SYTL1: variants seen among roughly 807,000 people sequenced by gnomAD.
SYTL1 encodes the protein synaptotagmin-like protein 1.
In SYTL1, 53 loss-of-function variants were observed where a neutral mutation model predicts 74.6. That is an observed-to-expected ratio of 0.71 (90% CI 0.57 to 0.89). SYTL1 has a LOEUF of 0.89. Ranked by LOEUF, SYTL1 falls within the 40% of genes least tolerant of loss-of-function variation. The pLI is 0.00. For synonymous variants in SYTL1, 329 were observed against 324.9 expected (o/e 1.01, Z -0.14); for missense variants, 728 against 768.7 (o/e 0.95, Z 0.63).
Position 27,342,839 on chromosome 1 carries a change from A to G in SYTL1, c.-39+689A>G, listed in dbSNP as rs2148026423. The stretch of plus-strand genomic sequence containing the variant: ...GGGACGTGGGCTCACACCCCAATCC[A>G]CAGGGGAGGCCGAACGTGGGCTCAC... On this transcript the variant is annotated intron_variant, in intron 1 of 14. Transcript: ENST00000616558. The surrounding 1 kb of genome is among the most constrained non-coding windows in gnomAD (Gnocchi z 4.7). Among the ~76,000 whole-genome samples, 2 of 151,574 alleles carry G rather than the reference A, an allele frequency of 1.3e-5. 1 individual carries two copies. Among genetic ancestry groups the G allele is most frequent in the Middle Eastern group, 6.8e-3 (2 of 292 alleles).
At position 27,353,325 on chromosome 1, in the gene SYTL1, A is replaced by C. The variant is rs758670575; in HGVS notation, c.1386A>C (p.Thr462=). The C allele has an allele frequency of 6.7e-5, 107 of 1,607,962 alleles. No individual in the cohort carries two copies. Among genetic ancestry groups the C allele is most frequent in the Non-Finnish European group, 8.5e-5 (100 of 1,177,598 alleles). Residue 462 remains threonine, a synonymous_variant, in exon 14 of 15, where the codon ACA becomes ACC. Coordinates refer to ENST00000616558, the MANE Select transcript of SYTL1 (RefSeq NM_001193308.2). ...PDDSQASRQR[T]RVVRRSLSPV... is the part of the protein sequence containing the mutation. ...ACAGCCAGGCCAGCCGCCAGCGTAC[A>C]AGGGTTGTGCGACGCAGCCTCAGCC...
chr1:27,349,425 G>C lies in SYTL1; in HGVS notation c.560G>C (p.Cys187Ser). The C allele has an allele frequency of 4.1e-6, 6 of 1,453,292 alleles. No homozygotes were observed. Among genetic ancestry groups the C allele is most frequent in the East Asian group, 2.5e-5 (1 of 39,770 alleles). The allele number at this position is 1,453,292 out of a possible 1,614,324, so 90.0% of individuals were successfully genotyped here. ...EDPGQGDQQV[C>S]AEEADPELEP... is the part of the protein sequence containing the mutation. ...CCTGGCCAAGGAGACCAACAGGTCT[G>C]TGCCGAGGAGGCTGACCCGGAGCTG... The change falls in exon 7 of 15, where the codon TGT becomes TCT. Residue 187 changes from cysteine (C) to serine (S), a missense_variant. Coordinates refer to ENST00000616558, the MANE Select transcript of SYTL1 (RefSeq NM_001193308.2).
Position 27,347,318 on chromosome 1 carries a change from G to A in SYTL1, c.192-103G>A. ...CCACAGCACAGATCAAGTCTGATTT[G>A]CTGTTGGGTCCCTGGCCCCTGGTCC... On this transcript the variant is annotated intron_variant, in intron 2 of 14. Coordinates refer to ENST00000616558, the MANE Select transcript of SYTL1 (RefSeq NM_001193308.2). The surrounding 1 kb of genome is among the most constrained non-coding windows in gnomAD (Gnocchi z 4.9). The A allele has an allele frequency of 6.7e-7, 1 of 1,488,452 alleles. No individual in the cohort carries two copies. The highest frequency in any genetic ancestry group is 1.7e-5 in the Admixed American group (1 of 57,650). 92.2% of individuals were successfully genotyped at this position (1,488,452 alleles called of 1,614,324 possible).
At position 27,350,030 on chromosome 1, in the gene SYTL1, C is replaced by G. The variant is rs2015187527; in HGVS notation, c.806C>G (p.Ser269Cys). ...GCGGAGGCGGTGCAGGTCCGCGGCTCCGTGCACTTCGCGCTGCACTACGAG... is the reference window on the plus strand; with the variant it reads ...GCGGAGGCGGTGCAGGTCCGCGGCTGCGTGCACTTCGCGCTGCACTACGAG... ...GDAEAVQVRG[S>C]VHFALHYEPG... Residue 269 changes from serine to cysteine, a missense_variant, in exon 9 of 15, where the codon TCC becomes TGC. Transcript: ENST00000616558. This position sits in a 1 kb window ranked among gnomAD's most constrained non-coding sequence, Gnocchi z 6.3. 1.3e-5 allele frequency: 20 copies of G among 1,546,176 alleles called. No homozygotes were observed. The highest frequency in any genetic ancestry group is 1.7e-5 in the Non-Finnish European group (20 of 1,155,804).
At position 27,347,930 on chromosome 1, in the gene SYTL1, G is replaced by A; in HGVS notation, c.414-37G>A. On this transcript the variant is annotated intron_variant, in intron 4 of 14. Transcript: ENST00000616558. This position sits in a 1 kb window ranked among gnomAD's most constrained non-coding sequence, Gnocchi z 4.9. ...GAGATGGTGCCCACCAGTCACCAGGGTCCCTCCCTCTGAGAGCGTCCTCTC... is the reference window on the plus strand; with the variant it reads ...GAGATGGTGCCCACCAGTCACCAGGATCCCTCCCTCTGAGAGCGTCCTCTC... 6.2e-7 allele frequency: 1 copy of A among 1,614,052 alleles called. No homozygotes were observed. The highest frequency in any genetic ancestry group is 8.5e-7 in the Non-Finnish European group (1 of 1,179,898).
In SYTL1 at chr1:27,347,531, T is replaced by C. The variant is rs1421711514; in HGVS notation, c.302T>C (p.Leu101Pro). 6.2e-7 allele frequency: 1 copy of C among 1,614,074 alleles called. No individual in the cohort carries two copies. ...CACAATGCCCACTTCGGCTCTGACC[T>C]TGTCCGAGCGTCTATGCGCAGGAAG... Reference protein sequence around the residue: ...RHHNAHFGSDLVRASMRRKKS... With the variant: ...RHHNAHFGSDPVRASMRRKKS... The change falls in exon 3 of 15, where the codon CTT becomes CCT. Residue 101 changes from leucine (L) to proline (P), a missense_variant. Physicochemically the swap from Leu to Pro is moderately conservative, Grantham distance 98. Coordinates refer to ENST00000616558, the MANE Select transcript of SYTL1 (RefSeq NM_001193308.2). This position sits in a 1 kb window ranked among gnomAD's most constrained non-coding sequence, Gnocchi z 4.9.
chr1:27,345,316 TGGGGCACAGCCCCAGCTG>T lies in SYTL1; in HGVS notation c.-18_-1del. The T allele has an allele frequency of 6.8e-7, 1 of 1,463,318 alleles. No individual in the cohort carries two copies. The highest frequency in any genetic ancestry group is 1.4e-5 in the South Asian group (1 of 72,804). 90.6% of individuals were successfully genotyped at this position (1,463,318 alleles called of 1,614,324 possible). A position where few individuals can be genotyped will look rare whatever the true frequency, so the allele number is the denominator to read the frequency against. ...CCCCAGGAAGCTCCGTGTGCCCAGCTGGGGCACAGCCCCAGCTGATGCCCCAGAGGGGCCACCCATCGC... is the reference window on the plus strand; with the variant it reads ...CCCCAGGAAGCTCCGTGTGCCCAGCTATGCCCCAGAGGGGCCACCCATCGC... On this transcript the variant is annotated 5_prime_UTR_variant, in exon 2 of 15. Transcript: ENST00000616558. This position sits in a 1 kb window ranked among gnomAD's most constrained non-coding sequence, Gnocchi z 6.0.
rs545755858 is a variant in SYTL1, at chr1:27,345,890, C to T, written c.191+365C>T. ...CACCCCTCCGGGTTCAAGCGATTCT[C>T]CTGCCACAGCCTCCCAAATAGCTGG... On this transcript the variant is annotated intron_variant, in intron 2 of 14. Coordinates refer to ENST00000616558, the MANE Select transcript of SYTL1 (RefSeq NM_001193308.2). This position sits in a 1 kb window ranked among gnomAD's most constrained non-coding sequence, Gnocchi z 6.0. Among the ~76,000 whole-genome samples the T allele has an allele frequency of 1.9e-4, 29 of 152,252 alleles. No homozygotes were observed. The East Asian group carries it at 5.4e-3, about 28-fold the overall frequency.
intron 14 of SYTL1, 59 bp downstream of exon 14, chr1:27,353,547 A>G: frequency 6.4e-7 from 1 of 1,554,072 alleles, no homozygotes; most frequent in Non-Finnish European, 8.7e-7. Context: ...ATGGGGGCTC[A>G]GTGTGTGGCC....
intron 13 of SYTL1, chr1:27,353,011 T>C (rs188955011): frequency 6.9e-4 from 305 of 440,356 alleles, no homozygotes; most frequent in African/African-American, 5.8e-3. Context: ...GTCTCGAACT[T>C]CTGACCTCAG....
chr1:27,349,584 C>G (rs1198433989), intron 7 of SYTL1, 68 bp from the exon 8 acceptor site: 1 of 1,521,104 alleles, frequency 6.6e-7, no homozygotes, highest in Non-Finnish European at 8.8e-7. Context: ...GCGAGCCGCC[C>G]GCGACCCAGG....
chr1:27,351,236 A>G lies in SYTL1; in HGVS notation c.1165-22A>G. On this transcript the variant is annotated intron_variant, in intron 11 of 14. Transcript: ENST00000616558. The surrounding 1 kb of genome is among the most constrained non-coding windows in gnomAD (Gnocchi z 5.0). Reference sequence around the variant, plus strand: ...GCCCCTTTCCATTAGCCCCTGCTCCACGATAAGCCCGCCTCTCGCAGGTCC... The same window carrying G: ...GCCCCTTTCCATTAGCCCCTGCTCCGCGATAAGCCCGCCTCTCGCAGGTCC... 6.5e-7 allele frequency: 1 copy of G among 1,549,918 alleles called. No homozygotes were observed. Among genetic ancestry groups the G allele is most frequent in the Non-Finnish European group, 8.7e-7 (1 of 1,147,770 alleles).
chr1:27,353,818 T>A lies in SYTL1; in HGVS notation c.1655T>A (p.Leu552Gln). The change falls in exon 15 of 15, where the codon CTA becomes CAA. Residue 552 changes from leucine to glutamine, a missense_variant. Physicochemically the swap from Leu to Gln is moderately radical, Grantham distance 113. Coordinates refer to ENST00000616558, the MANE Select transcript of SYTL1 (RefSeq NM_001193308.2). ...EQPCEWVDGL[L>Q]PLRTNLAPRT Reference sequence around the variant, plus strand: ...CCGTGCGAATGGGTGGATGGCCTTCTACCCCTCAGAACCAACCTGGCCCCC... The same window carrying A: ...CCGTGCGAATGGGTGGATGGCCTTCAACCCCTCAGAACCAACCTGGCCCCC... The A allele has an allele frequency of 1.9e-6, 3 of 1,613,828 alleles. No homozygotes were observed. Among genetic ancestry groups the A allele is most frequent in the Non-Finnish European group, 2.5e-6 (3 of 1,179,718 alleles).
rs1269435180 is a variant in SYTL1 at position 27,350,781 on chromosome 1, C to G, written c.1006-13C>G. 2 of 1,613,482 alleles carry G rather than the reference C, an allele frequency of 1.2e-6. No homozygotes were observed. Among genetic ancestry groups the G allele is most frequent in the Admixed American group, 3.3e-5 (2 of 60,016 alleles). ...CCAGCAGTGCTCCACTAAAGCTCACCTCCTGTCCTCAGTACTCCGTCCCGC... is the reference window on the plus strand; with the variant it reads ...CCAGCAGTGCTCCACTAAAGCTCACGTCCTGTCCTCAGTACTCCGTCCCGC... On this transcript the variant is annotated splice_polypyrimidine_tract_variant and intron_variant, in intron 10 of 14. Coordinates refer to ENST00000616558, the MANE Select transcript of SYTL1 (RefSeq NM_001193308.2). The surrounding 1 kb of genome is among the most constrained non-coding windows in gnomAD (Gnocchi z 6.3).
Position 27,350,991 on chromosome 1 carries a change from G to A in SYTL1, c.1164+39G>A, listed in dbSNP as rs1483753634. The A allele has an allele frequency of 6.2e-7, 1 of 1,609,012 alleles. No homozygotes were observed. The highest frequency in any genetic ancestry group is 8.5e-7 in the Non-Finnish European group (1 of 1,178,174). On this transcript the variant is annotated intron_variant, in intron 11 of 14. Transcript: ENST00000616558. This position sits in a 1 kb window ranked among gnomAD's most constrained non-coding sequence, Gnocchi z 6.3. ...GCCGCGTGGGGAGACCTGCGGCCCG[G>A]GTCTCCTGCATTTACCCCACCAGGC... is the stretch of plus-strand genomic sequence containing the variant.
At position 27,349,063 on chromosome 1, in the gene SYTL1, C is replaced by T; in HGVS notation, c.460-17C>T. 1 of 1,604,380 alleles carries T rather than the reference C, an allele frequency of 6.2e-7. No homozygotes were observed. The highest frequency in any genetic ancestry group is 1.7e-5 in the Admixed American group (1 of 59,944). On this transcript the variant is annotated splice_polypyrimidine_tract_variant and intron_variant, in intron 5 of 14. Transcript: ENST00000616558. ...ACCAGCCCCCGTACTGTGACCTCTA[C>T]CCCTTTCTTCCTTCAGGGACCTGAT...
chr1:27,351,142 T>A lies in SYTL1; in HGVS notation c.1165-116T>A. ...CGAGGGCGCTAGGACCCCTAGGTTC[T>A]GCCCCTGCAGGCCCCGCCGTCTCTT... On this transcript the variant is annotated intron_variant, in intron 11 of 14. Transcript: ENST00000616558. The surrounding 1 kb of genome is among the most constrained non-coding windows in gnomAD (Gnocchi z 5.0). 2 of 1,369,518 alleles carry A rather than the reference T, an allele frequency of 1.5e-6. No homozygotes were observed. The highest frequency in any genetic ancestry group is 2.5e-5 in the East Asian group (1 of 39,916). The allele number at this position is 1,369,518 out of a possible 1,614,324, so 84.8% of individuals were successfully genotyped here.
At position 27,347,882 on chromosome 1, in the gene SYTL1, TGAG is replaced by T; in HGVS notation, c.413+9_413+11del. On this transcript the variant is annotated splice_donor_5th_base_variant and intron_variant, in intron 4 of 14. Transcript: ENST00000616558. This position sits in a 1 kb window ranked among gnomAD's most constrained non-coding sequence, Gnocchi z 4.9. ...GAAGGAAGAGGGGCCAGAGCCCAGG[TGAG>T]GAGGAGTCTCAGGAAGGGGGAGATG... 6.2e-7 allele frequency: 1 copy of T among 1,614,100 alleles called. No individual in the cohort carries two copies. Among genetic ancestry groups the T allele is most frequent in the Non-Finnish European group, 8.5e-7 (1 of 1,180,002 alleles).
At position 27,353,305 on chromosome 1, in the gene SYTL1, C is replaced by A. The variant is rs1471289364; in HGVS notation, c.1366C>A (p.Gln456Lys). Residue 456 changes from glutamine to lysine, a missense_variant, in exon 14 of 15, where the codon CAG (glutamine) becomes AAG (lysine). Physicochemically the swap from Gln to Lys is moderately conservative, Grantham distance 53. Transcript: ENST00000616558. ...VQCFVLPDDS[Q>K]ASRQRTRVVR... ...CAGCTTCGTGCTGCCTGATGACAGC[C>A]AGGCCAGCCGCCAGCGTACAAGGGT... is the stretch of plus-strand genomic sequence containing the variant. The A allele has an allele frequency of 3.1e-6, 5 of 1,599,008 alleles. No homozygotes were observed. Among genetic ancestry groups the A allele is most frequent in the Non-Finnish European group, 4.3e-6 (5 of 1,173,248 alleles).
Sources: allele counts gnomAD v4.1 joint callset (sites outside exome capture counted in the v4.1 genomes callset), GRCh38; gene constraint gnomAD v4.1.1; non-coding constraint Gnocchi (gnomAD v3.1); transcripts MANE v1.5; gene names NCBI Gene and HGNC (gene_info 2026-07-23, HGNC 2026-07-21).